CSMD1: variants seen among roughly 807,000 people sequenced by gnomAD.
CSMD1 encodes CUB and sushi domain-containing protein 1.
CSMD1 carries 213 observed loss-of-function variants against 417.5 expected under a neutral mutation model. That is an observed-to-expected ratio of 0.51 (90% CI 0.46 to 0.57). The LOEUF is 0.57. Ranked by LOEUF, CSMD1 falls within the 20% of genes least tolerant of loss-of-function variation. The pLI is 0.00. For synonymous variants in CSMD1, 2,862 were observed against 1,736.8 expected, an observed-to-expected ratio of 1.65 and a Z score of -16.11; for missense variants, 6,923 against 4,529.7, an observed-to-expected ratio of 1.53 and a Z score of -15.17.
intron 2 of CSMD1, among the ~76,000 whole-genome samples, chr8:4,624,439 G>A (rs1804349978): frequency 6.6e-6 from 1 of 152,122 alleles, no homozygotes; most frequent in African/African-American, 2.4e-5. Context: ...GGAATTACCA[G>A]CATATGGCAC....
chr8:4,528,850 T>C (rs901759386), intron 2 of CSMD1, among the ~76,000 whole-genome samples: 1 of 152,054 alleles, frequency 6.6e-6, no homozygotes, highest in Admixed American at 6.6e-5. Flanking sequence ...TTAAGAAGTG[T>C]CCTAAGAAAA....
At chr8:3,173,952 G>A (rs1820742792) in intron 37 of CSMD1, among the ~76,000 whole-genome samples, 1 of 152,120 alleles carries the variant, frequency 6.6e-6, no homozygotes, top group Non-Finnish European at 1.5e-5. Flanking sequence ...TCATTTCAAA[G>A]GACATAAGGC....
intron 52 of CSMD1, among the ~76,000 whole-genome samples, chr8:3,010,542 C>T (rs959113173): frequency 2.0e-5 from 3 of 152,042 alleles, no homozygotes; most frequent in Admixed American, 1.3e-4. Context: ...GGCCGCACTC[C>T]GCATCTATGC....
intron 8 of CSMD1, among the ~76,000 whole-genome samples, chr8:3,591,407 G>A (rs1800838826): frequency 6.6e-6 from 1 of 152,152 alleles, no homozygotes; most frequent in Non-Finnish European, 1.5e-5. Flanking sequence ...ACACGCTTTA[G>A]TTGTAATACA....
intron 5 of CSMD1, among the ~76,000 whole-genome samples, chr8:3,937,916 T>A (rs1012640832): frequency 1.8e-4 from 28 of 152,288 alleles, no homozygotes; most frequent in African/African-American, 6.3e-4. Context: ...TATAAAACTT[T>A]ATTAAACCTC....
In CSMD1 at chr8:3,258,870, T is replaced by C. The variant is rs146654375; in HGVS notation, c.4153+25274A>G. 9.7e-4 allele frequency among the ~76,000 whole-genome samples: 148 copies of C among 152,224 alleles called. 2 individuals are homozygous for C. Among genetic ancestry groups the C allele is most frequent in the Admixed American group, 9.6e-3 (146 of 15,280 alleles). On this transcript the variant is annotated intron_variant, in intron 26 of 69. Coordinates refer to ENST00000635120, the MANE Select transcript of CSMD1 (RefSeq NM_033225.6). ...AAAACCAAATACTGCATGTTTTCAT[T>C]TATAACTGGGAGCTAAACGATGAGA... is the stretch of plus-strand genomic sequence containing the variant.
intron 2 of CSMD1, among the ~76,000 whole-genome samples, chr8:4,557,272 G>A (rs1024121180): frequency 4.6e-5 from 7 of 152,084 alleles, no homozygotes; most frequent in Non-Finnish European, 5.9e-5. Context: ...CAAGCTAAAG[G>A]CATCAAATTG....
chr8:3,828,977 G>A (rs1414807317), intron 5 of CSMD1, among the ~76,000 whole-genome samples: 1 of 151,946 alleles, frequency 6.6e-6, no homozygotes, highest in Admixed American at 6.6e-5. Flanking sequence ...AGTTCCTTAG[G>A]GTTTTTACCC....
At chr8:4,455,983 G>C (rs367945257) in intron 2 of CSMD1, among the ~76,000 whole-genome samples, 10 of 32,854 alleles carry the variant, frequency 3.0e-4, no homozygotes, top group African/African-American at 9.9e-4. Context: ...GATATTAGAA[G>C]ACAAACAATA....
Position 4,031,961 on chromosome 8 carries a change from C to G in CSMD1, c.554G>C (p.Cys185Ser). The G allele has an allele frequency of 6.2e-7, 1 of 1,613,928 alleles. No individual in the cohort carries two copies. Among genetic ancestry groups the G allele is most frequent in the Non-Finnish European group, 8.5e-7 (1 of 1,179,858 alleles). The change falls in exon 4 of 70, where the codon TGC (cysteine) becomes TCC (serine). Residue 185 changes from cysteine (C) to serine (S), a missense_variant. Transcript: ENST00000635120. ...TGCACCATTTCCTGGGCTGACGATGCAGGTCAGGATGGCGTGGCCTTCCAA... is the reference window on the plus strand; with the variant it reads ...TGCACCATTTCCTGGGCTGACGATGGAGGTCAGGATGGCGTGGCCTTCCAA... ...YILEGHAILT[C>S]IVSPGNGASW...
chr8:3,726,269 C>G (rs557219416), intron 6 of CSMD1, among the ~76,000 whole-genome samples: 2 of 152,320 alleles, frequency 1.3e-5, no homozygotes, highest in African/African-American at 4.8e-5. Context: ...CCCAGCTAGG[C>G]TGCACATCGT....
At chr8:4,131,312 T>G (rs1363173428) in intron 3 of CSMD1, among the ~76,000 whole-genome samples, 1 of 152,202 alleles carries the variant, frequency 6.6e-6, no homozygotes, top group Non-Finnish European at 1.5e-5. Flanking sequence ...TCCTGTAATG[T>G]GAGGTCTGAC....
intron 5 of CSMD1, among the ~76,000 whole-genome samples, chr8:3,904,227 G>A (rs1253157834): frequency 2.0e-5 from 3 of 152,170 alleles, no homozygotes; most frequent in East Asian, 1.9e-4. Flanking sequence ...GATATCAGGA[G>A]CTGAGTTAGG....
chr8:3,613,177 T>C (rs1801973369), intron 8 of CSMD1: 1 of 188,872 alleles, frequency 5.3e-6, no homozygotes, highest in South Asian at 7.5e-5. Flanking sequence ...AAATTTATAA[T>C]TTCTTGAAAG....
chr8:3,451,700 G>A (rs1205876606), intron 12 of CSMD1, among the ~76,000 whole-genome samples: 1 of 152,150 alleles, frequency 6.6e-6, no homozygotes, highest in Non-Finnish European at 1.5e-5. Flanking sequence ...CCAGTACCAT[G>A]CTGTTTTGGT....
intron 7 of CSMD1, among the ~76,000 whole-genome samples, chr8:3,645,566 G>C (rs955889573): frequency 6.6e-6 from 1 of 152,196 alleles, no homozygotes; most frequent in South Asian, 2.1e-4. Context: ...GGAAGTGTCA[G>C]TCTTCTGCAA....
rs114759363 is a variant in CSMD1 at position 4,459,464 on chromosome 8, T to C, written c.303-39399A>G. Reference sequence around the variant, plus strand: ...CAGAGATTTTTCCCAAGAGGAGAGATAGAGGGCAGGAAATTCAAATCCAAG... The same window carrying C: ...CAGAGATTTTTCCCAAGAGGAGAGACAGAGGGCAGGAAATTCAAATCCAAG... On this transcript the variant is annotated intron_variant, in intron 2 of 69. Coordinates refer to ENST00000635120, the MANE Select transcript of CSMD1 (RefSeq NM_033225.6). Among the ~76,000 whole-genome samples, 653 of 152,226 alleles carry C rather than the reference T, an allele frequency of 4.3e-3. 2 individuals are homozygous for C. Among genetic ancestry groups the C allele is most frequent in the African/African-American group, 0.015 (611 of 41,540 alleles).
chr8:3,319,238 A>C (rs1363151867), intron 23 of CSMD1, among the ~76,000 whole-genome samples: 2 of 152,224 alleles, frequency 1.3e-5, no homozygotes, highest in African/African-American at 4.8e-5. Flanking sequence ...AATTGCTTAA[A>C]AATATCTTGA....
intron 3 of CSMD1, among the ~76,000 whole-genome samples, chr8:4,301,336 T>C (rs1352794269): frequency 6.6e-6 from 1 of 152,202 alleles, no homozygotes; most frequent in African/African-American, 2.4e-5. Flanking sequence ...TACTCAACTG[T>C]TATGCTTTTG....
Sources: gnomAD v4.1 joint callset for allele counts (sites outside exome capture counted in the v4.1 genomes callset) on GRCh38, gnomAD v4.1.1 for gene constraint, MANE v1.5 for transcripts, NCBI Gene and HGNC (gene_info 2026-07-23, HGNC 2026-07-21) for gene names.